Variants in DENND2C observed in about 807,000 individuals in gnomAD.
DENND2C encodes the protein DENN domain-containing protein 2C.
A neutral mutation model predicts 112.4 loss-of-function variants in DENND2C; 72 were observed. The ratio of observed to expected loss-of-function variants is 0.64; its 90% CI spans 0.53 to 0.78. The LOEUF (loss-of-function observed/expected upper bound fraction) is 0.78, where lower values mean the gene tolerates loss of function less well. Among genes scored for constraint, DENND2C ranks in the 30% least tolerant of loss-of-function variants. The pLI is 0.00. For synonymous variants in DENND2C, 329 were observed against 381.6 expected, an observed-to-expected ratio of 0.86 and a Z score of 1.61; for missense variants, 992 against 1,113.8, an observed-to-expected ratio of 0.89 and a Z score of 1.56.
At chr1:114,604,278 G>A (rs1354398137) in intron 11 of DENND2C, among the ~76,000 whole-genome samples, 5 of 152,190 alleles carry the variant, frequency 3.3e-5, no homozygotes, top group Non-Finnish European at 5.9e-5. Flanking sequence ...AATGAATAAA[G>A]CTTTTCAAAC....
chr1:114,615,437 C>A (rs921518513), intron 8 of DENND2C, among the ~76,000 whole-genome samples: 1 of 152,208 alleles, frequency 6.6e-6, no homozygotes, highest in African/African-American at 2.4e-5. Context: ...ATCTATGCTT[C>A]CTCCTCTGTC....
intron 1 of DENND2C, among the ~76,000 whole-genome samples, chr1:114,660,305 A>G (rs1327320820): frequency 6.6e-6 from 1 of 152,216 alleles, no homozygotes; most frequent in Non-Finnish European, 1.5e-5. Context: ...AAGCTTTGCA[A>G]TATATAAAAC....
At chr1:114,624,467 T>TC (rs1299685101) in intron 4 of DENND2C, among the ~76,000 whole-genome samples, 3 of 102,940 alleles carry the variant, frequency 2.9e-5, no homozygotes, top group Admixed American at 1.0e-4. Flanking sequence ...TTTTCTTTTT[T>TC]CTTTTTTTTT....
At chr1:114,630,264 C>T (rs1277823820) in intron 3 of DENND2C, among the ~76,000 whole-genome samples, 5 of 151,350 alleles carry the variant, frequency 3.3e-5, no homozygotes, top group East Asian at 3.9e-4. Context: ...GCCGAGATCG[C>T]GCCACTTCAT....
intron 3 of DENND2C, among the ~76,000 whole-genome samples, chr1:114,642,110 C>T (rs1350949654): frequency 6.6e-6 from 1 of 152,130 alleles, no homozygotes; most frequent in Non-Finnish European, 1.5e-5. Context: ...TGCCACCACG[C>T]CCAGCTAATT....
At position 114,627,526 on chromosome 1, in the gene DENND2C, C is replaced by A. The variant is rs1656378838; in HGVS notation, c.-204-1338G>T. Among the ~76,000 whole-genome samples, 3 of 149,568 alleles carry A rather than the reference C, an allele frequency of 2.0e-5. No homozygotes were observed. In the South Asian group the frequency reaches 6.3e-4, roughly 31 times the overall value. On this transcript the variant is annotated intron_variant, in intron 3 of 20. Transcript: ENST00000393274. The stretch of plus-strand genomic sequence containing the variant: ...CTTTTATTTAAACCATTCCTACATA[C>A]AAATTTCTGGGAAAACCAGCTTTGC...
chr1:114,621,010 C>G lies in DENND2C; in HGVS notation c.1227+885G>C, dbSNP rs575303744. 2.0e-5 allele frequency among the ~76,000 whole-genome samples: 3 copies of G among 152,320 alleles called. No individual in the cohort carries two copies. The East Asian group carries it at 5.8e-4, about 29-fold the overall frequency. On this transcript the variant is annotated intron_variant, in intron 7 of 20. Coordinates refer to ENST00000393274, the MANE Select transcript of DENND2C (RefSeq NM_001256404.2). The stretch of plus-strand genomic sequence containing the variant: ...TTTAAGTGATCTGATTTCTTCACTA[C>G]AGCAGAGTATGTGCATAGTATTTTG...
chr1:114,604,933 T>C lies in DENND2C; in HGVS notation c.1656A>G (p.Ser552=). 6.2e-7 allele frequency: 1 copy of C among 1,611,250 alleles called. No individual in the cohort carries two copies. ...ATTAGCCCATTTACCTCTTGAGTTC[T>C]GAGGTTGGCATCCAGTCCTTTGAAT... ...FPDSKDWMPT[S]ELKSETFSFV... is the part of the protein sequence containing the mutation. Residue 552 remains serine (S), a synonymous_variant, in exon 11 of 21, where the codon TCA becomes TCG. Coordinates refer to ENST00000393274, the MANE Select transcript of DENND2C (RefSeq NM_001256404.2).
intron 9 of DENND2C, among the ~76,000 whole-genome samples, chr1:114,609,623 T>A (rs1337234868): frequency 6.6e-6 from 1 of 152,190 alleles, no homozygotes; most frequent in African/African-American, 2.4e-5. Context: ...TCTGGGGTGG[T>A]CCCCACTGAA....
At chr1:114,594,963 A>G (rs1330219988) in intron 17 of DENND2C, among the ~76,000 whole-genome samples, 2 of 152,192 alleles carry the variant, frequency 1.3e-5, no homozygotes, top group Non-Finnish European at 2.9e-5. Flanking sequence ...CATACAGGTT[A>G]TATGCGGAGG....
chr1:114,587,816 G>T lies in DENND2C; in HGVS notation c.2568C>A (p.His856Gln). ...GGAAGTGGCGTACACTTCGGGAGGTGTGGGACTTACGGAATGGTTCCCTTT... is the reference window on the plus strand; with the variant it reads ...GGAAGTGGCGTACACTTCGGGAGGTTTGGGACTTACGGAATGGTTCCCTTT... ...VFQREPFRKSHTSRSVRHFLD... is the reference protein window; with the variant it reads ...VFQREPFRKSQTSRSVRHFLD... Residue 856 changes from histidine to glutamine, a missense_variant, in exon 19 of 21, where the codon CAC becomes CAA. Around this residue, in one of 3 missense-constraint regions of DENND2C, gnomAD observed 516 missense variants for 623.6 expected, o/e 0.83. Transcript: ENST00000393274. 2 of 1,614,142 alleles carry T rather than the reference G, an allele frequency of 1.2e-6. No individual in the cohort carries two copies. Among genetic ancestry groups the T allele is most frequent in the South Asian group, 2.2e-5 (2 of 91,084 alleles).
rs954042313 is a variant in DENND2C at position 114,585,033 on chromosome 1, G to A, written c.*567C>T. 1 of 152,074 alleles carries A rather than the reference G, an allele frequency of 6.6e-6. No individual in the cohort carries two copies. The highest frequency in any genetic ancestry group is 1.5e-5 in the Non-Finnish European group (1 of 68,046). 9.4% of individuals were successfully genotyped at this position (152,074 alleles called of 1,614,324 possible). A position where few individuals can be genotyped will look rare whatever the true frequency, so the allele number is the denominator to read the frequency against. On this transcript the variant is annotated 3_prime_UTR_variant, in exon 21 of 21. Coordinates refer to ENST00000393274, the MANE Select transcript of DENND2C (RefSeq NM_001256404.2). ...CAGTACCTTATAATATTACAAGTAG[G>A]GCTTCCTCCTAAGTGAGATTCCCCT...
rs1238483426 is a variant in DENND2C, at chr1:114,622,978, T to TG, written c.1056+8dup. ...CTAATGTTTTCTTCAATTCATTATC[T>TG]GGTTATACCTTGGGTGCTTTAAAAG... On this transcript the variant is annotated intron_variant, in intron 6 of 20. Coordinates refer to ENST00000393274, the MANE Select transcript of DENND2C (RefSeq NM_001256404.2). The TG allele has an allele frequency of 6.3e-7, 1 of 1,582,024 alleles. No individual in the cohort carries two copies. The highest frequency in any genetic ancestry group is 8.6e-7 in the Non-Finnish European group (1 of 1,161,470).
chr1:114,583,235 AATTAT>A lies in DENND2C; in HGVS notation c.*2360_*2364del, dbSNP rs1209542169. 1 of 152,216 alleles carries A rather than the reference AATTAT, an allele frequency of 6.6e-6. No homozygotes were observed. Among genetic ancestry groups the A allele is most frequent in the Non-Finnish European group, 1.5e-5 (1 of 68,044 alleles). 9.4% of individuals were successfully genotyped at this position (152,216 alleles called of 1,614,324 possible). A position where few individuals can be genotyped will look rare whatever the true frequency, so the allele number is the denominator to read the frequency against. On this transcript the variant is annotated 3_prime_UTR_variant, in exon 21 of 21. Transcript: ENST00000393274. ...TATTCCCTGGACCCACATCTGTAGGAATTATATTATACAGCACCAGTCTTAAATGG... is the reference window on the plus strand; with the variant it reads ...TATTCCCTGGACCCACATCTGTAGGAATTATACAGCACCAGTCTTAAATGG...
intron 3 of DENND2C, among the ~76,000 whole-genome samples, chr1:114,642,480 C>G (rs1311846299): frequency 6.6e-6 from 1 of 152,170 alleles, no homozygotes; most frequent in African/African-American, 2.4e-5. Flanking sequence ...AGATTTGGTT[C>G]TTGGTTGTAA....
intron 18 of DENND2C, among the ~76,000 whole-genome samples, chr1:114,592,554 C>G (rs941396928): frequency 6.6e-6 from 1 of 151,758 alleles, no homozygotes; most frequent in Non-Finnish European, 1.5e-5. Flanking sequence ...CCCGTCTCTA[C>G]AAAAAATACA....
At position 114,604,957 on chromosome 1, in the gene DENND2C, A is replaced by G. The variant is rs371388075; in HGVS notation, c.1632T>C (p.Asp544=). 6.2e-7 allele frequency: 1 copy of G among 1,613,884 alleles called. No homozygotes were observed. Among genetic ancestry groups the G allele is most frequent in the African/African-American group, 1.3e-5 (1 of 75,062 alleles). The change falls in exon 11 of 21, where the codon GAT becomes GAC. Residue 544 remains aspartate, a synonymous_variant. Transcript: ENST00000393274. ...CTGAGGTTGGCATCCAGTCCTTTGA[A>G]TCAGGAAAACAAAATTTTGGAATAA... ...LKVIPKFCFP[D]SKDWMPTSEL...
intron 3 of DENND2C, among the ~76,000 whole-genome samples, chr1:114,633,780 A>T (rs1199815749): frequency 6.6e-6 from 1 of 152,208 alleles, no homozygotes; most frequent in Non-Finnish European, 1.5e-5. Context: ...TGGTACACTT[A>T]AATTTGACTA....
rs11577324 is a variant in DENND2C, at chr1:114,640,246, G to A, written c.-205+5202C>T. 4.3e-3 allele frequency among the ~76,000 whole-genome samples: 652 copies of A among 152,284 alleles called. 2 individuals are homozygous for A. Among genetic ancestry groups the A allele is most frequent in the Admixed American group, 7.6e-3 (116 of 15,290 alleles). On this transcript the variant is annotated intron_variant, in intron 3 of 20. Transcript: ENST00000393274. ...AATCCAGATCATGTGCTTGTCCCAG[G>A]TGTAAAAGTTCCTGTGGCCCTCTGC...
Sources: allele counts gnomAD v4.1 joint callset (sites outside exome capture counted in the v4.1 genomes callset), GRCh38; gene constraint gnomAD v4.1.1; regional missense constraint gnomAD v4.1.1; transcripts MANE v1.5; gene names NCBI Gene and HGNC (gene_info 2026-07-23, HGNC 2026-07-21).